Variants in GRIK2 observed in about 807,000 individuals in gnomAD.
GRIK2 encodes the protein glutamate receptor ionotropic, kainate 2.
A neutral mutation model predicts 100.3 loss-of-function variants in GRIK2; 32 were observed. That is an observed-to-expected ratio of 0.32 (90% CI 0.24 to 0.43). The LOEUF is 0.43. GRIK2 is among the 20% of genes least tolerant of loss of function. The probability of loss-of-function intolerance (pLI) is 1.00; values close to 1 mark genes in which losing one functional copy is unlikely to be tolerated. For missense variants in GRIK2, 843 were observed against 1,114.9 expected, an observed-to-expected ratio of 0.76 and a Z score of 3.47; for synonymous variants, 417 against 389.4, an observed-to-expected ratio of 1.07 and a Z score of -0.83.
At chr6:101,675,038 ATCT>A (rs905331473) in intron 4 of GRIK2, among the ~76,000 whole-genome samples, 19 of 152,120 alleles carry the variant, frequency 1.2e-4, no homozygotes, top group Non-Finnish European at 1.6e-4. Context: ...AACAGACAAA[ATCT>A]TCTAGCTATT....
intron 7 of GRIK2, among the ~76,000 whole-genome samples, chr6:101,746,976 T>G (rs187427446): frequency 6.6e-6 from 1 of 152,344 alleles, no homozygotes; most frequent in Admixed American, 6.5e-5. Flanking sequence ...TTTATAACCC[T>G]TGTTAACATT....
At chr6:101,674,130 G>A (rs1770648650) in intron 4 of GRIK2, among the ~76,000 whole-genome samples, 1 of 152,108 alleles carries the variant, frequency 6.6e-6, no homozygotes. Flanking sequence ...TTACTATCCT[G>A]TATGACTGCT....
chr6:101,659,979 G>T (rs1398341186), intron 4 of GRIK2, among the ~76,000 whole-genome samples: 4 of 152,078 alleles, frequency 2.6e-5, no homozygotes, highest in African/African-American at 4.8e-5. Flanking sequence ...GAGTATCTTT[G>T]TGGTGTTCTC....
Position 101,621,858 on chromosome 6 carries a change from AAAG to A in GRIK2, c.116-90_116-88del. The A allele has an allele frequency of 3.4e-6, 3 of 871,142 alleles. No individual in the cohort carries two copies. In the South Asian group the frequency reaches 4.3e-5, roughly 12 times the overall value. The allele number at this position is 871,142 out of a possible 1,614,324, so 54.0% of individuals were successfully genotyped here. ...ACGCAAATGCACTTGCACATATATA[AAAG>A]TACAGAAAACTTCTGATATTTTCTT... On this transcript the variant is annotated intron_variant, in intron 2 of 16. Transcript: ENST00000369134.
At chr6:101,946,915 T>G (rs1057015924) in intron 14 of GRIK2, among the ~76,000 whole-genome samples, 2 of 152,034 alleles carry the variant, frequency 1.3e-5, no homozygotes, top group African/African-American at 4.8e-5. Context: ...ATTTCTACCC[T>G]CCCACAGAGA....
At chr6:101,675,555 T>C (rs1379168661) in intron 4 of GRIK2, among the ~76,000 whole-genome samples, 2 of 152,122 alleles carry the variant, frequency 1.3e-5, no homozygotes, top group Non-Finnish European at 2.9e-5. Context: ...TCTTTTTTTC[T>C]TTTCACACTC....
intron 7 of GRIK2, among the ~76,000 whole-genome samples, chr6:101,754,447 T>C (rs1776997279): frequency 6.6e-6 from 1 of 152,228 alleles, no homozygotes; most frequent in African/African-American, 2.4e-5. Context: ...AGATTTTCTG[T>C]CTTACGTAGC....
At chr6:101,954,095 C>A (rs1284127630) in intron 14 of GRIK2, among the ~76,000 whole-genome samples, 2 of 152,066 alleles carry the variant, frequency 1.3e-5, no homozygotes, top group Non-Finnish European at 2.9e-5. Context: ...ACCTTTAATT[C>A]TTTTCAATTA....
At chr6:101,659,171 A>G (rs561924550) in intron 4 of GRIK2, among the ~76,000 whole-genome samples, 9 of 152,296 alleles carry the variant, frequency 5.9e-5, no homozygotes, top group African/African-American at 1.7e-4. Flanking sequence ...TCTTTAATCC[A>G]TCTTGAGTTA....
intron 2 of GRIK2, among the ~76,000 whole-genome samples, chr6:101,593,634 T>C (rs929255815): frequency 6.6e-6 from 1 of 151,850 alleles, no homozygotes; most frequent in African/African-American, 2.4e-5. Flanking sequence ...CAGATTTTAG[T>C]AGGATGTGTG....
At chr6:101,641,225 C>G (rs1465230595) in intron 4 of GRIK2, among the ~76,000 whole-genome samples, 1 of 151,880 alleles carries the variant, frequency 6.6e-6, no homozygotes, top group Non-Finnish European at 1.5e-5. Flanking sequence ...TACTTTTTAA[C>G]TTTTAAAAAA....
intron 4 of GRIK2, among the ~76,000 whole-genome samples, chr6:101,649,222 A>G (rs1781672184): frequency 6.6e-6 from 1 of 152,114 alleles, no homozygotes; most frequent in African/African-American, 2.4e-5. Context: ...GATAAAAACA[A>G]AAGACAAACA....
In GRIK2 at chr6:101,874,098, T is replaced by C. The variant is rs553964027; in HGVS notation, c.1524+14605T>C. Reference sequence around the variant, plus strand: ...TTTGCTGTGCAGAAGCTCTTTAGTTTAATTAGATCCCATTTGTCAATTTTG... The same window carrying C: ...TTTGCTGTGCAGAAGCTCTTTAGTTCAATTAGATCCCATTTGTCAATTTTG... On this transcript the variant is annotated intron_variant, in intron 11 of 16. Transcript: ENST00000369134. Among the ~76,000 whole-genome samples the C allele has an allele frequency of 7.7e-4, 118 of 152,302 alleles. 1 individual carries two copies. The highest frequency in any genetic ancestry group is 2.6e-3 in the African/African-American group (107 of 41,562).
At chr6:101,464,504 T>C (rs1370917459) in intron 2 of GRIK2, among the ~76,000 whole-genome samples, 1,129 of 18,692 alleles carry the variant, frequency 0.06, 138 homozygotes, top group Admixed American at 0.11. Flanking sequence ...TTTCTTTTTT[T>C]TTTTTTTTTT....
At chr6:101,533,518 G>A (rs577337133) in intron 2 of GRIK2, among the ~76,000 whole-genome samples, 1 of 151,970 alleles carries the variant, frequency 6.6e-6, no homozygotes, top group Non-Finnish European at 1.5e-5. Flanking sequence ...CCCTCCCTCT[G>A]ATGTCCTTTG....
chr6:101,634,673 A>C (rs1780921170), intron 4 of GRIK2, among the ~76,000 whole-genome samples: 1 of 152,100 alleles, frequency 6.6e-6, no homozygotes, highest in Non-Finnish European at 1.5e-5. Flanking sequence ...TATAGACATG[A>C]GAAGAGCTTA....
intron 7 of GRIK2, among the ~76,000 whole-genome samples, chr6:101,690,496 C>A (rs1772015432): frequency 6.6e-6 from 1 of 152,010 alleles, no homozygotes; most frequent in Admixed American, 6.6e-5. Context: ...ATGATCATTC[C>A]CTGGCTTTCC....
chr6:101,404,852 A>T (rs1775513210), intron 2 of GRIK2, among the ~76,000 whole-genome samples: 1 of 152,282 alleles, frequency 6.6e-6, no homozygotes, highest in Admixed American at 6.5e-5. Flanking sequence ...CTGAAAGGGA[A>T]GGAAGTAGGT....
At chr6:101,967,718 A>T (rs1430573182) in intron 14 of GRIK2, among the ~76,000 whole-genome samples, 1 of 152,132 alleles carries the variant, frequency 6.6e-6, no homozygotes, top group Non-Finnish European at 1.5e-5. Flanking sequence ...CTACGCAAAC[A>T]GGTAAACAAA....
Sources: gnomAD v4.1 joint callset for allele counts (sites outside exome capture counted in the v4.1 genomes callset) on GRCh38, gnomAD v4.1.1 for gene constraint, MANE v1.5 for transcripts, NCBI Gene and HGNC (gene_info 2026-07-23, HGNC 2026-07-21) for gene names.